The following FUT8 variants were observed in gnomAD, a reference collection of about 807,000 sequenced individuals.
FUT8 encodes fucosyltransferase 8.
A neutral mutation model predicts 71.3 loss-of-function variants in FUT8; 29 were observed. That is an observed-to-expected ratio of 0.41 (90% CI 0.30 to 0.55). The LOEUF is 0.55. Ranked by LOEUF, FUT8 falls within the 20% of genes least tolerant of loss-of-function variation. The pLI is 0.34. For missense variants in FUT8, 544 were observed against 702.1 expected (o/e 0.77, Z 2.55); for synonymous variants, 254 against 239.3 (o/e 1.06, Z -0.57).
chr14:65,474,986 G>C (rs1474616848), intron 2 of FUT8, among the ~76,000 whole-genome samples: 1 of 152,148 alleles, frequency 6.6e-6, no homozygotes, highest in Non-Finnish European at 1.5e-5. Flanking sequence ...ACCGCACCTG[G>C]CTGGAAGACA....
chr14:65,458,990 T>C (rs1333412258), intron 2 of FUT8, among the ~76,000 whole-genome samples: 1 of 152,156 alleles, frequency 6.6e-6, no homozygotes, highest in Non-Finnish European at 1.5e-5. Context: ...GGTTTCACCA[T>C]GTTGGCTAGG....
intron 5 of FUT8, among the ~76,000 whole-genome samples, chr14:65,618,620 T>C (rs1278867568): frequency 1.3e-5 from 2 of 152,172 alleles, no homozygotes; most frequent in South Asian, 4.1e-4. Context: ...GACGTACAAA[T>C]AGAAAGGACT....
rs577986302 is a variant in FUT8 at position 65,420,082 on chromosome 14, A to C, written c.-326+6868A>C. On this transcript the variant is annotated intron_variant, in intron 1 of 10. Transcript: ENST00000673929. The stretch of plus-strand genomic sequence containing the variant: ...CTGAAAAGATGTATACCTACTGAGG[A>C]TGCACCAAATAATAAGCAACAGAAA... 1.8e-4 allele frequency among the ~76,000 whole-genome samples: 27 copies of C among 152,264 alleles called. No homozygotes were observed. In the South Asian group the frequency reaches 5.4e-3, roughly 30 times the overall value.
At chr14:65,377,091 C>G in the FUT8 span, among the ~76,000 whole-genome samples, 1 of 152,302 alleles carries the variant, frequency 6.6e-6, no homozygotes, top group South Asian at 2.1e-4. Flanking sequence ...GGCCCCCTCC[C>G]CAGCATGGAG....
intron 3 of FUT8, among the ~76,000 whole-genome samples, chr14:65,568,556 GTTAC>G (rs1235086399): frequency 6.6e-6 from 1 of 150,612 alleles, no homozygotes; most frequent in Non-Finnish European, 1.5e-5. Context: ...TTTAGTAGTT[GTTAC>G]TTAATTTCCA....
the FUT8 span, among the ~76,000 whole-genome samples, chr14:65,395,790 T>G: frequency 6.6e-6 from 1 of 152,272 alleles, no homozygotes; most frequent in African/African-American, 2.4e-5. Flanking sequence ...CAGCTTGAAT[T>G]TCTCCCCAGA....
intron 5 of FUT8, among the ~76,000 whole-genome samples, chr14:65,622,590 C>G (rs1197662424): frequency 1.3e-5 from 2 of 152,064 alleles, no homozygotes; most frequent in Admixed American, 6.5e-5. Flanking sequence ...TGGAGTTTTC[C>G]CCACCTGTGT....
At chr14:65,517,755 G>C (rs1396756689) in intron 2 of FUT8, among the ~76,000 whole-genome samples, 1 of 152,114 alleles carries the variant, frequency 6.6e-6, no homozygotes, top group African/African-American at 2.4e-5. Context: ...ACCTTGCACT[G>C]GGTAATTTTT....
At chr14:65,464,504 T>G (rs1463176700) in intron 2 of FUT8, among the ~76,000 whole-genome samples, 1 of 152,172 alleles carries the variant, frequency 6.6e-6, no homozygotes, top group Non-Finnish European at 1.5e-5. Context: ...TTTTTGTAAA[T>G]TTTATTTATC....
the FUT8 span, among the ~76,000 whole-genome samples, chr14:65,402,087 A>G: frequency 6.6e-6 from 1 of 151,964 alleles, no homozygotes; most frequent in African/African-American, 2.4e-5. Context: ...CTTTCTTTGA[A>G]GTAAACTGAG....
At chr14:65,629,828 G>A (rs1016625011) in intron 6 of FUT8, among the ~76,000 whole-genome samples, 3 of 52,534 alleles carry the variant, frequency 5.7e-5, no homozygotes, top group South Asian at 7.7e-4. Context: ...TCTTACACAC[G>A]TACACACACA....
In FUT8 at chr14:65,467,716, T is replaced by G. The variant is rs1594663763; in HGVS notation, c.-228+11998T>G. On this transcript the variant is annotated intron_variant, in intron 2 of 10. Transcript: ENST00000673929. The surrounding 1 kb of genome is among the most constrained non-coding windows in gnomAD (Gnocchi z 4.1). ...GTCTCGAACTCCTGACCTCATGGTC[T>G]GCCCGCCTCAGCCTCCCAAAGTGCT... 5 of 435,994 alleles carry G rather than the reference T, an allele frequency of 1.1e-5. No homozygotes were observed. The East Asian group carries it at 2.6e-4, about 23-fold the overall frequency. The allele number at this position is 435,994 out of a possible 1,614,324, so 27.0% of individuals were successfully genotyped here.
intron 2 of FUT8, among the ~76,000 whole-genome samples, chr14:65,461,871 A>G (rs1490806020): frequency 6.6e-6 from 1 of 152,172 alleles, no homozygotes; most frequent in Admixed American, 6.5e-5. Context: ...CATAGATTTT[A>G]ACAATGTGTA....
chr14:65,582,007 A>C (rs994171454), intron 3 of FUT8, among the ~76,000 whole-genome samples: 2 of 152,180 alleles, frequency 1.3e-5, no homozygotes, highest in Non-Finnish European at 2.9e-5. Flanking sequence ...AGACCATTAG[A>C]ATCTTGTTGC....
chr14:65,706,174 A>G (rs1894542476), intron 7 of FUT8, among the ~76,000 whole-genome samples: 3 of 152,190 alleles, frequency 2.0e-5, no homozygotes, highest in African/African-American at 7.2e-5. Flanking sequence ...GCTAATATTA[A>G]TGCCATTTTC....
At position 65,616,254 on chromosome 14, in the gene FUT8, T is replaced by C. The variant is rs1457746160; in HGVS notation, c.363T>C (p.Asn121=). The C allele has an allele frequency of 1.9e-6, 3 of 1,611,028 alleles. No homozygotes were observed. The highest frequency in any genetic ancestry group is 1.7e-5 in the Admixed American group (1 of 59,284). The stretch of plus-strand genomic sequence containing the variant: ...AAATCCTGAGGAGGAGGATTGAAAA[T>C]GGAGCTAAAGAGCTCTGGTTTTTCC... ...DHEILRRRIE[N]GAKELWFFLQ... Residue 121 remains asparagine, a synonymous_variant, in exon 5 of 11, where the codon AAT becomes AAC. Transcript: ENST00000673929.
At chr14:65,502,829 G>A (rs2066668140) in intron 2 of FUT8, among the ~76,000 whole-genome samples, 1 of 152,176 alleles carries the variant, frequency 6.6e-6, no homozygotes, top group Non-Finnish European at 1.5e-5. Context: ...ATATGAATCA[G>A]TTGAGGATCT....
intron 6 of FUT8, among the ~76,000 whole-genome samples, chr14:65,653,727 A>G (rs1891526398): frequency 1.3e-5 from 2 of 152,312 alleles, no homozygotes; most frequent in South Asian, 2.1e-4. Flanking sequence ...GTTTTGAGCC[A>G]ACATCTTGCT....
chr14:65,474,775 T>C lies in FUT8; in HGVS notation c.-228+19057T>C, dbSNP rs112723835. ...CCTTGGTGAGCCTGAGAGAAGAAAA[T>C]ACTACACAGTTCATTTTATTGTAAA... On this transcript the variant is annotated intron_variant, in intron 2 of 10. Transcript: ENST00000673929. Among the ~76,000 whole-genome samples, 1,327 of 152,220 alleles carry C rather than the reference T, an allele frequency of 8.7e-3. 19 individuals carry two copies. The highest frequency in any genetic ancestry group is 0.03 in the African/African-American group (1,247 of 41,534).
Sources: gnomAD v4.1 joint callset for allele counts (sites outside exome capture counted in the v4.1 genomes callset) on GRCh38, gnomAD v4.1.1 for gene constraint, Gnocchi (gnomAD v3.1) non-coding constraint, MANE v1.5 for transcripts, NCBI Gene and HGNC (gene_info 2026-07-23, HGNC 2026-07-21) for gene names.